The following ESRRG variants were observed in gnomAD, a reference collection of about 807,000 sequenced individuals.
ESRRG encodes the protein estrogen-related receptor gamma.
ESRRG carries 13 observed loss-of-function variants against 44.0 expected under a neutral mutation model. The observed-to-expected ratio is 0.30, with a 90% CI of 0.19 to 0.47. The LOEUF (loss-of-function observed/expected upper bound fraction) is 0.47. Ranked by LOEUF, ESRRG falls within the 20% of genes least tolerant of loss-of-function variation. The pLI, the probability that ESRRG is intolerant of heterozygous loss-of-function variation, is 1.00. For synonymous variants in ESRRG, 215 were observed against 214.6 expected (o/e 1.00, Z -0.02); for missense variants, 395 against 580.6 (o/e 0.68, Z 3.29).
intron 1 of ESRRG, among the ~76,000 whole-genome samples, chr1:217,063,805 G>T (rs1167361555): frequency 1.3e-5 from 2 of 152,066 alleles, no homozygotes; most frequent in Non-Finnish European, 2.9e-5. Context: ...CAAAGCATTG[G>T]GGTAGAGACA....
At chr1:216,880,117 G>T (rs1337307582) in intron 2 of ESRRG, among the ~76,000 whole-genome samples, 1 of 151,650 alleles carries the variant, frequency 6.6e-6, no homozygotes, top group Non-Finnish European at 1.5e-5. Context: ...AGACCAGCCT[G>T]ACCAACATGG....
intron 2 of ESRRG, among the ~76,000 whole-genome samples, chr1:216,919,989 A>G (rs2061626141): frequency 6.6e-6 from 1 of 152,212 alleles, no homozygotes; most frequent in East Asian, 1.9e-4. Context: ...CGAAGCCTAC[A>G]AAAGGGTAGC....
intron 1 of ESRRG, among the ~76,000 whole-genome samples, chr1:216,699,965 A>C (rs2081060373): frequency 6.6e-6 from 1 of 151,918 alleles, no homozygotes; most frequent in Non-Finnish European, 1.5e-5. Flanking sequence ...AAGGTATATG[A>C]CCTGCATTTT....
chr1:216,632,537 T>C (rs1420731466), intron 3 of ESRRG, among the ~76,000 whole-genome samples: 1 of 152,314 alleles, frequency 6.6e-6, no homozygotes, highest in East Asian at 1.9e-4. Flanking sequence ...TTTTCTTAAC[T>C]AAAAATTAAT....
At chr1:216,852,840 C>T (rs903260021) in intron 2 of ESRRG, among the ~76,000 whole-genome samples, 1 of 142,582 alleles carries the variant, frequency 7.0e-6, no homozygotes, top group African/African-American at 2.8e-5. Context: ...AGGGCTCTTT[C>T]CATGTTAAGA....
At chr1:216,770,043 A>G (rs1034501647) in intron 2 of ESRRG, among the ~76,000 whole-genome samples, 5 of 152,128 alleles carry the variant, frequency 3.3e-5, no homozygotes, top group Non-Finnish European at 7.4e-5. Context: ...GGGTAGGGCA[A>G]AAAGAGCAAG....
At chr1:217,084,748 C>T (rs1348624983) in intron 1 of ESRRG, among the ~76,000 whole-genome samples, 3 of 152,016 alleles carry the variant, frequency 2.0e-5, no homozygotes, top group Admixed American at 2.0e-4. Context: ...GCAGATACAC[C>T]ATAAGAAACA....
intron 1 of ESRRG, among the ~76,000 whole-genome samples, chr1:217,050,884 T>C (rs924709116): frequency 1.3e-5 from 2 of 151,790 alleles, no homozygotes; most frequent in African/African-American, 4.8e-5. Context: ...GGGCTCCAAA[T>C]GATAAAAATA....
In ESRRG at chr1:217,004,663, T is replaced by A. The variant is rs11572439; in HGVS notation, c.-105-64990A>T. Among the ~76,000 whole-genome samples the A allele has an allele frequency of 1.2e-4, 18 of 152,322 alleles. 1 individual carries two copies. In the South Asian group the frequency reaches 1.9e-3, roughly 16 times the overall value. ...TATGGTAAGCCATGGGCATATAATC[T>A]AATTATTTGAAAGAAAACAGATTGT... On this transcript the variant is annotated intron_variant, in intron 1 of 7. Transcript: ENST00000359162.
chr1:216,625,510 C>T (rs1029533834), intron 3 of ESRRG, among the ~76,000 whole-genome samples: 3 of 150,300 alleles, frequency 2.0e-5, no homozygotes, highest in South Asian at 2.1e-4. Flanking sequence ...CTATTTTCAC[C>T]TGGAAACATC....
intron 2 of ESRRG, among the ~76,000 whole-genome samples, chr1:216,795,157 C>T (rs1056415438): frequency 1.3e-5 from 2 of 152,012 alleles, no homozygotes; most frequent in Non-Finnish European, 2.9e-5. Context: ...AATGTGAGTA[C>T]CGACCTGAAG....
intron 2 of ESRRG, among the ~76,000 whole-genome samples, chr1:216,851,221 C>T (rs895619240): frequency 6.6e-6 from 1 of 151,952 alleles, no homozygotes; most frequent in Non-Finnish European, 1.5e-5. Context: ...AGAATAACTA[C>T]ACTTCTCAGA....
intron 6 of ESRRG, among the ~76,000 whole-genome samples, chr1:216,515,816 T>C (rs1365192145): frequency 6.6e-6 from 1 of 152,116 alleles, no homozygotes; most frequent in Non-Finnish European, 1.5e-5. Flanking sequence ...CTAAAGTGAT[T>C]CATTAGCTTA....
At chr1:216,948,296 C>T (rs1465924632) in intron 1 of ESRRG, among the ~76,000 whole-genome samples, 3 of 151,530 alleles carry the variant, frequency 2.0e-5, no homozygotes, top group Non-Finnish European at 4.4e-5. Flanking sequence ...GTGGCTCATG[C>T]CTGGAATCTC....
intron 2 of ESRRG, among the ~76,000 whole-genome samples, chr1:216,736,114 G>A (rs369173497): frequency 1.3e-5 from 2 of 150,000 alleles, no homozygotes; most frequent in Non-Finnish European, 3.0e-5. Flanking sequence ...GGGTATTAAT[G>A]AGTAACCTTT....
At chr1:216,696,229 T>C (rs116714272) in intron 1 of ESRRG, among the ~76,000 whole-genome samples, 1 of 152,306 alleles carries the variant, frequency 6.6e-6, no homozygotes, top group African/African-American at 2.4e-5. Context: ...AAAGCTGTAG[T>C]TGAACCAGAA....
intron 3 of ESRRG, among the ~76,000 whole-genome samples, chr1:216,593,582 C>G (rs560562136): frequency 5.4e-4 from 82 of 152,298 alleles, no homozygotes; most frequent in Middle Eastern, 3.4e-3. Flanking sequence ...CAACTAATAA[C>G]AAGTCCACTG....
chr1:216,614,835 G>A (rs374742831), intron 3 of ESRRG, among the ~76,000 whole-genome samples: 15 of 152,154 alleles, frequency 9.9e-5, no homozygotes, highest in Admixed American at 8.5e-4. Context: ...CATAAACAGC[G>A]AAGGGAGCAC....
At chr1:216,731,986 T>G (rs17629008) in intron 2 of ESRRG, among the ~76,000 whole-genome samples, 9,469 of 152,126 alleles carry the variant, frequency 0.062, 364 homozygotes, top group African/African-American at 0.091. Flanking sequence ...AAACAAAGAA[T>G]TGAAATTTAA....
Sources: allele counts gnomAD v4.1 joint callset (sites outside exome capture counted in the v4.1 genomes callset), GRCh38; gene constraint gnomAD v4.1.1; transcripts MANE v1.5; gene names NCBI Gene and HGNC (gene_info 2026-07-23, HGNC 2026-07-21).